Variants in UNC80 observed in about 807,000 individuals in gnomAD.
The protein encoded by UNC80 is protein unc-80 homolog.
Under a neutral mutation model 384.6 loss-of-function variants are expected in UNC80, and 164 were observed. That is an observed-to-expected ratio of 0.43 (90% CI 0.38 to 0.49). The LOEUF is 0.49. Among genes scored for constraint, UNC80 ranks in the 20% least tolerant of loss-of-function variants. The pLI is 0.00. For missense variants in UNC80, 3,330 were observed against 4,143.0 expected (o/e 0.80, Z 5.39); for synonymous variants, 1,486 against 1,527.8 (o/e 0.97, Z 0.64).
chr2:209,922,727 A>G (rs1359842669), intron 35 of UNC80, among the ~76,000 whole-genome samples: 1 of 152,174 alleles, frequency 6.6e-6, no homozygotes. Context: ...CCAAATCAAA[A>G]TCTCTGAGGG....
intron 60 of UNC80, chr2:209,983,013 TTTATC>T (rs2093196825): frequency 6.6e-6 from 1 of 151,904 alleles, no homozygotes; most frequent in African/African-American, 2.4e-5. Context: ...AGTCAAAACA[TTTATC>T]TTAAGTAGAT....
intron 38 of UNC80, among the ~76,000 whole-genome samples, chr2:209,932,160 G>A (rs2090929367): frequency 6.6e-6 from 1 of 152,176 alleles, no homozygotes; most frequent in African/African-American, 2.4e-5. Context: ...TTTGCCAGGA[G>A]ACTCAACCTC....
chr2:209,840,928 CT>C (rs969695897), intron 20 of UNC80, among the ~76,000 whole-genome samples: 1 of 152,138 alleles, frequency 6.6e-6, no homozygotes, highest in African/African-American at 2.4e-5. Flanking sequence ...CTATTTTTAA[CT>C]TTTAACACAC....
intron 40 of UNC80, 137 bp from the exon 41 acceptor site, chr2:209,936,707 C>CATAAGTATTG: frequency 1.6e-6 from 1 of 630,620 alleles, no homozygotes; most frequent in Non-Finnish European, 2.9e-6. Context: ...ATACAGTTTA[C>CATAAGTATTG]ATAAGACATC....
At chr2:209,873,664 A>T (rs1316740599) in intron 23 of UNC80, among the ~76,000 whole-genome samples, 2 of 152,220 alleles carry the variant, frequency 1.3e-5, no homozygotes, top group Non-Finnish European at 2.9e-5. Flanking sequence ...TGCTAATTTT[A>T]GACAGAGCTG....
In UNC80 at chr2:209,777,486, A is replaced by C; in HGVS notation, c.527A>C (p.Lys176Thr). Residue 176 changes from lysine (K) to threonine (T), a missense_variant, in exon 4 of 65, where the codon AAG becomes ACG. Lys to Thr is a moderately conservative substitution (Grantham distance 78, BLOSUM62 -1). This residue lies in a region of UNC80 where 937 missense variants were observed against 1,026.8 expected (regional missense o/e 0.91). Transcript: ENST00000673920. ...SNDEEENNRRKIFQNSMATVE... is the reference protein window; with the variant it reads ...SNDEEENNRRTIFQNSMATVE... ...GACGAAGAAGAGAACAACCGAAGAA[A>C]GATCTTCCAGAACTCCATGGCTACT... is the stretch of plus-strand genomic sequence containing the variant. The C allele has an allele frequency of 6.2e-7, 1 of 1,614,192 alleles. No homozygotes were observed. The highest frequency in any genetic ancestry group is 2.2e-5 in the East Asian group (1 of 44,874).
At chr2:209,811,223 T>C (rs1387193769) in intron 7 of UNC80, among the ~76,000 whole-genome samples, 1 of 152,044 alleles carries the variant, frequency 6.6e-6, no homozygotes, top group Non-Finnish European at 1.5e-5. Context: ...TACCCAAAAA[T>C]GTATTTGGGG....
At chr2:209,931,200 G>C in intron 38 of UNC80, 146 bp downstream of exon 38, 1 of 545,018 alleles carries the variant, frequency 1.8e-6, no homozygotes, top group East Asian at 3.0e-5. Context: ...CCCCTGCCTG[G>C]CATACTCTTT....
At chr2:209,798,543 A>T (rs1004283165) in intron 7 of UNC80, among the ~76,000 whole-genome samples, 3 of 152,168 alleles carry the variant, frequency 2.0e-5, no homozygotes, top group African/African-American at 7.2e-5. Context: ...TACCAATACC[A>T]TGCTGTTTTG....
At chr2:209,855,163 G>A (rs950092806) in intron 22 of UNC80, among the ~76,000 whole-genome samples, 13 of 152,170 alleles carry the variant, frequency 8.5e-5, no homozygotes, top group Non-Finnish European at 1.9e-4. Flanking sequence ...AATAGGGCTG[G>A]AAGCCATTAT....
chr2:209,891,658 C>A (rs1459325018), intron 26 of UNC80, among the ~76,000 whole-genome samples: 3 of 152,022 alleles, frequency 2.0e-5, no homozygotes, highest in Admixed American at 2.0e-4. Flanking sequence ...TTTTTCTACA[C>A]ACAGAATGGT....
At chr2:209,849,343 G>GGTC in intron 21 of UNC80, 108 bp from the exon 22 acceptor site, 3 of 1,276,410 alleles carry the variant, frequency 2.4e-6, no homozygotes, top group Admixed American at 2.3e-5. Flanking sequence ...AAAGTTTTCT[G>GGTC]GCCAACACTG....
In UNC80 at chr2:209,910,044, G is replaced by T. The variant is rs562712261; in HGVS notation, c.4783-2516G>T. Among the ~76,000 whole-genome samples, 5 of 150,570 alleles carry T rather than the reference G, an allele frequency of 3.3e-5. No individual in the cohort carries two copies. The East Asian group carries it at 1.0e-3, about 31-fold the overall frequency. On this transcript the variant is annotated intron_variant, in intron 29 of 64. Coordinates refer to ENST00000673920, the MANE Select transcript of UNC80 (RefSeq NM_001371986.1). ...GAGTTTGAATTTCACTGAACTGCAA[G>T]ATACACATAGTGGTTGAAATTACAC...
At chr2:209,780,573 C>G (rs918714029) in intron 4 of UNC80, among the ~76,000 whole-genome samples, 1 of 152,122 alleles carries the variant, frequency 6.6e-6, no homozygotes, top group Non-Finnish European at 1.5e-5. Flanking sequence ...GGGACACTGT[C>G]CTATGCATTG....
At chr2:209,881,625 GCACACA>G (rs113873662) in intron 25 of UNC80, among the ~76,000 whole-genome samples, 73 of 147,240 alleles carry the variant, frequency 5.0e-4, no homozygotes, top group African/African-American at 1.7e-3. Context: ...ATGTGTGCAT[GCACACA>G]CACACACACA....
chr2:209,959,384 A>T, intron 50 of UNC80, 105 bp from the exon 51 acceptor site: 1 of 1,177,046 alleles, frequency 8.5e-7, no homozygotes, highest in Non-Finnish European at 1.2e-6. Flanking sequence ...CTGATTCATT[A>T]ACTCATTAGG....
chr2:209,900,823 GCC>G (rs2087313667), intron 28 of UNC80, among the ~76,000 whole-genome samples: 1 of 152,210 alleles, frequency 6.6e-6, no homozygotes, highest in African/African-American at 2.4e-5. Flanking sequence ...CAGTGTAATT[GCC>G]GATATGGAGA....
In UNC80 at chr2:209,976,705, A is replaced by T. The variant is rs1003525217; in HGVS notation, c.8773-208A>T. Reference sequence around the variant, plus strand: ...TTTTCCTCCAAGACCCTCGGTACCCATCTACACTTGGTCTTTTCATGCCTC... The same window carrying T: ...TTTTCCTCCAAGACCCTCGGTACCCTTCTACACTTGGTCTTTTCATGCCTC... On this transcript the variant is annotated intron_variant, in intron 57 of 64. Transcript: ENST00000673920. This position sits in a 1 kb window ranked among gnomAD's most constrained non-coding sequence, Gnocchi z 4.3. Among the ~76,000 whole-genome samples, 2 of 152,122 alleles carry T rather than the reference A, an allele frequency of 1.3e-5. No homozygotes were observed. The highest frequency in any genetic ancestry group is 4.8e-5 in the African/African-American group (2 of 41,416).
intron 7 of UNC80, among the ~76,000 whole-genome samples, chr2:209,810,705 G>A (rs947870065): frequency 1.3e-5 from 2 of 152,180 alleles, no homozygotes; most frequent in Non-Finnish European, 2.9e-5. Context: ...AAAGTGTGGG[G>A]CAGAGGGTAA....
Sources: allele counts gnomAD v4.1 joint callset (sites outside exome capture counted in the v4.1 genomes callset), GRCh38; gene constraint gnomAD v4.1.1; regional missense constraint gnomAD v4.1.1; non-coding constraint Gnocchi (gnomAD v3.1); transcripts MANE v1.5; gene names NCBI Gene and HGNC (gene_info 2026-07-23, HGNC 2026-07-21).